The following XRCC6 variants were observed in gnomAD, a reference collection of about 807,000 sequenced individuals.
XRCC6 encodes the protein DNA repair protein Ku70.
In XRCC6, 5 loss-of-function variants were observed where a neutral mutation model predicts 65.7. That is an observed-to-expected ratio of 0.08 (90% CI 0.04 to 0.16). XRCC6 has a LOEUF of 0.16. Ranked by LOEUF, XRCC6 falls within the 10% of genes least tolerant of loss-of-function variation. XRCC6 has a pLI of 1.00. For synonymous variants in XRCC6, 270 were observed against 270.6 expected (o/e 1.00, Z 0.02); for missense variants, 447 against 738.1 (o/e 0.61, Z 4.57).
In XRCC6 at chr22:41,636,547, T is replaced by G. The variant is rs1376817859; in HGVS notation, c.366T>G (p.Phe122Leu). The G allele has an allele frequency of 1.2e-6, 2 of 1,613,926 alleles. No homozygotes were observed. The highest frequency in any genetic ancestry group is 2.2e-5 in the South Asian group (2 of 91,070). Residue 122 changes from phenylalanine to leucine, a missense_variant, in exon 5 of 13, where the codon TTT (phenylalanine) becomes TTG (leucine). By Grantham distance (22) the Phe-to-Leu change is conservative. Transcript: ENST00000360079. ...GAKRILELDQ[F>L]KGQQGQKRFQ... ...AACGAATTCTAGAGCTTGACCAGTT[T>G]AAGGGGCAGCAGGGACAAAAACGTT...
At chr22:41,648,046 C>G (rs190093147) in intron 7 of XRCC6, 1 of 95,394 alleles carries the variant, frequency 1.0e-5, no homozygotes, top group African/African-American at 5.5e-5. Flanking sequence ...CCTCCCCTCC[C>G]CTCCCCTCCC....
At chr22:41,644,099 A>G (rs144568842) in intron 6 of XRCC6, among the ~76,000 whole-genome samples, 2,822 of 152,254 alleles carry the variant, frequency 0.019, 91 homozygotes, top group African/African-American at 0.064. Flanking sequence ...GTGAGCCGAG[A>G]TGGCGCCACT....
At chr22:41,625,683 G>T (rs1341802206) in intron 2 of XRCC6, among the ~76,000 whole-genome samples, 1 of 152,144 alleles carries the variant, frequency 6.6e-6, no homozygotes, top group African/African-American at 2.4e-5. Context: ...TCAATCGGCA[G>T]GCCAGGCAAG....
chr22:41,656,790 T>A (rs2068048751), intron 9 of XRCC6, 113 bp from the exon 10 acceptor site: 5 of 1,433,026 alleles, frequency 3.5e-6, no homozygotes, highest in Non-Finnish European at 4.7e-6. Flanking sequence ...AAATGGGGCC[T>A]ACGGGGCCCC....
Position 41,656,891 on chromosome 22 carries a change from T to C in XRCC6, c.1292-12T>C. ...GAAGTCAAATCAAAGAAAATTTATC[T>C]CCTTTCTTCAGGCTTCCAGCTGGTC... On this transcript the variant is annotated splice_polypyrimidine_tract_variant and intron_variant, in intron 9 of 12. Coordinates refer to ENST00000360079, the MANE Select transcript of XRCC6 (RefSeq NM_001469.5). The C allele has an allele frequency of 1.2e-6, 2 of 1,612,364 alleles. No homozygotes were observed. Among genetic ancestry groups the C allele is most frequent in the South Asian group, 2.2e-5 (2 of 90,946 alleles).
chr22:41,627,898 CTT>C (rs1323885760), intron 2 of XRCC6, among the ~76,000 whole-genome samples: 1 of 151,722 alleles, frequency 6.6e-6, no homozygotes, highest in Non-Finnish European at 1.5e-5. Context: ...AGGATATTGA[CTT>C]TTTTGGGGAG....
At chr22:41,646,039 C>T (rs2067928791) in intron 6 of XRCC6, among the ~76,000 whole-genome samples, 1 of 151,976 alleles carries the variant, frequency 6.6e-6, no homozygotes, top group Non-Finnish European at 1.5e-5. Flanking sequence ...CATGGTAGCT[C>T]ACACCTGTAA....
chr22:41,637,912 C>T, intron 6 of XRCC6, 121 bp downstream of exon 6: 2 of 1,132,994 alleles, frequency 1.8e-6, no homozygotes, highest in African/African-American at 1.6e-5. Flanking sequence ...ATTGCTTGAG[C>T]CTAGGAGTTG....
chr22:41,649,277 C>G (rs2067971346), intron 7 of XRCC6, among the ~76,000 whole-genome samples: 1 of 150,334 alleles, frequency 6.7e-6, no homozygotes, highest in Non-Finnish European at 1.5e-5. Flanking sequence ...GTTGATCCTC[C>G]CACCTCAGCC....
chr22:41,663,484 C>T, intron 12 of XRCC6, 138 bp from the exon 13 acceptor site: 1 of 922,684 alleles, frequency 1.1e-6, no homozygotes, highest in Non-Finnish European at 1.7e-6. Context: ...GATAAGTCTT[C>T]CCCATGGTGT....
At chr22:41,645,709 T>G (rs1337411058) in intron 6 of XRCC6, among the ~76,000 whole-genome samples, 1 of 151,124 alleles carries the variant, frequency 6.6e-6, no homozygotes, top group East Asian at 1.9e-4. Flanking sequence ...TTTTTTTTTT[T>G]TTTTTGAGAT....
intron 1 of XRCC6, 110 bp from the exon 2 acceptor site, chr22:41,621,880 A>C (rs188210207): frequency 9.7e-7 from 1 of 1,035,846 alleles, no homozygotes; most frequent in Non-Finnish European, 1.5e-6. Flanking sequence ...TTTACCGTCC[A>C]CATTCCTCAC....
intron 3 of XRCC6, among the ~76,000 whole-genome samples, chr22:41,631,975 A>G: frequency 6.6e-6 from 1 of 152,146 alleles, no homozygotes; most frequent in Non-Finnish European, 1.5e-5. Context: ...AAAAAATACG[A>G]AAACCAGTCA....
chr22:41,636,099 A>ATT lies in XRCC6; in HGVS notation c.196-5_196-4dup, dbSNP rs28384728. The ATT allele has an allele frequency of 2.8e-5, 42 of 1,496,440 alleles. No individual in the cohort carries two copies. The highest frequency in any genetic ancestry group is 2.3e-4 in the South Asian group (18 of 78,114). The allele number at this position is 1,496,440 out of a possible 1,614,324, so 92.7% of individuals were successfully genotyped here. ...TTAGTGGTAAGTAAATATTAATTGA[A>ATT]TTTTTTTTTTCAGTGTATCCAAAGT... On this transcript the variant is annotated splice_polypyrimidine_tract_variant and intron_variant, in intron 3 of 12. Coordinates refer to ENST00000360079, the MANE Select transcript of XRCC6 (RefSeq NM_001469.5).
chr22:41,659,429 A>G (rs2147117278), intron 11 of XRCC6, among the ~76,000 whole-genome samples: 1 of 152,038 alleles, frequency 6.6e-6, no homozygotes, highest in Middle Eastern at 3.4e-3. Context: ...GATGGTCTCG[A>G]TCTCCTGACC....
chr22:41,629,642 G>A (rs1448861230), intron 3 of XRCC6, among the ~76,000 whole-genome samples: 1 of 151,770 alleles, frequency 6.6e-6, no homozygotes, highest in African/African-American at 2.4e-5. Context: ...CATTGTGAAT[G>A]TTTGTGTGTG....
At chr22:41,641,962 T>C (rs1316839897) in intron 6 of XRCC6, among the ~76,000 whole-genome samples, 2 of 152,162 alleles carry the variant, frequency 1.3e-5, no homozygotes, top group Non-Finnish European at 2.9e-5. Flanking sequence ...ACTAATTTTG[T>C]ATTTTTAGTA....
chr22:41,655,403 AG>A (rs1490543412), intron 9 of XRCC6, among the ~76,000 whole-genome samples: 1 of 151,996 alleles, frequency 6.6e-6, no homozygotes, highest in Non-Finnish European at 1.5e-5. Context: ...ATTGTTAAGA[AG>A]GAAAAAGAAA....
chr22:41,650,034 A>G (rs901448973), intron 7 of XRCC6, among the ~76,000 whole-genome samples: 2 of 151,956 alleles, frequency 1.3e-5, no homozygotes, highest in Non-Finnish European at 2.9e-5. Context: ...ATAATAAATA[A>G]TAATAAATAG....
Sources: allele counts gnomAD v4.1 joint callset (sites outside exome capture counted in the v4.1 genomes callset), GRCh38; gene constraint gnomAD v4.1.1; transcripts MANE v1.5; gene names NCBI Gene and HGNC (gene_info 2026-07-23, HGNC 2026-07-21).